The following F13B variants were observed in gnomAD, a reference collection of about 807,000 sequenced individuals.
The protein encoded by F13B is TGase.
A neutral mutation model predicts 79.8 loss-of-function variants in F13B; 58 were observed. The observed-to-expected ratio is 0.73, with a 90% confidence interval of 0.59 to 0.90. The LOEUF (loss-of-function observed/expected upper bound fraction) is 0.90. Among genes scored for constraint, F13B ranks in the 40% least tolerant of loss-of-function variants. The probability of loss-of-function intolerance (pLI) is 0.00; values close to 1 mark genes in which losing one functional copy is unlikely to be tolerated. For synonymous variants in F13B, 283 were observed against 260.3 expected (o/e 1.09, Z -0.84); for missense variants, 773 against 777.0 (o/e 0.99, Z 0.06).
At chr1:197,049,155 T>G (rs1027786064) in intron 10 of F13B, among the ~76,000 whole-genome samples, 1 of 151,850 alleles carries the variant, frequency 6.6e-6, no homozygotes, top group East Asian at 1.9e-4. Context: ...ATTCATGTAT[T>G]AGAAAAAATA....
At chr1:197,042,589 C>A (rs962259370) in intron 10 of F13B, among the ~76,000 whole-genome samples, 1 of 146,606 alleles carries the variant, frequency 6.8e-6, no homozygotes, top group Non-Finnish European at 1.5e-5. Flanking sequence ...GAGGCCAAGG[C>A]GGGCGGATCA....
rs534827216 is a variant in F13B at position 197,066,858 on chromosome 1, C to T, written c.64+302G>A. Among the ~76,000 whole-genome samples the T allele has an allele frequency of 7.1e-4, 108 of 152,122 alleles. 1 individual carries two copies. Among genetic ancestry groups the T allele is most frequent in the Admixed American group, 7.0e-3 (107 of 15,264 alleles). ...TAGAATTAAAGTTAACATGTGACTT[C>T]GAAATGGACATATTGTTAACCTGAA... On this transcript the variant is annotated intron_variant, in intron 1 of 11. Coordinates refer to ENST00000367412, the MANE Select transcript of F13B (RefSeq NM_001994.3).
At chr1:197,050,627 A>T in intron 10 of F13B, 70 bp downstream of exon 10, 1 of 1,371,084 alleles carries the variant, frequency 7.3e-7, no homozygotes, top group Non-Finnish European at 1.0e-6. Context: ...GTGTTATGTT[A>T]ACTCAAAAAT....
intron 5 of F13B, among the ~76,000 whole-genome samples, chr1:197,059,251 T>C (rs990014911): frequency 1.3e-5 from 2 of 152,138 alleles, no homozygotes; most frequent in East Asian, 3.9e-4. Flanking sequence ...TAATAGACTT[T>C]AAAAAAATTT....
intron 8 of F13B, among the ~76,000 whole-genome samples, chr1:197,055,051 T>C (rs980277475): frequency 6.6e-6 from 1 of 152,038 alleles, no homozygotes; most frequent in Non-Finnish European, 1.5e-5. Flanking sequence ...GCCATTAAAG[T>C]ATATATTGTA....
intron 1 of F13B, among the ~76,000 whole-genome samples, chr1:197,066,185 A>G (rs1356982833): frequency 6.6e-6 from 1 of 152,200 alleles, no homozygotes; most frequent in African/African-American, 2.4e-5. Flanking sequence ...AAAGTATAAA[A>G]TAAGATTAAT....
intron 1 of F13B, among the ~76,000 whole-genome samples, chr1:197,065,413 T>TA (rs1656012056): frequency 6.6e-6 from 1 of 152,034 alleles, no homozygotes; most frequent in Non-Finnish European, 1.5e-5. Context: ...CTGAACATAT[T>TA]AAAAAAAGTA....
intron 5 of F13B, among the ~76,000 whole-genome samples, chr1:197,059,090 C>G (rs749971128): frequency 4.6e-5 from 7 of 152,004 alleles, no homozygotes; most frequent in Non-Finnish European, 8.8e-5. Context: ...GTGGCCGACA[C>G]CTGTAGTCCC....
intron 1 of F13B, among the ~76,000 whole-genome samples, 193 bp from the exon 2 acceptor site, chr1:197,063,250 T>C (rs1655933302): frequency 6.6e-6 from 1 of 152,226 alleles, no homozygotes; most frequent in Non-Finnish European, 1.5e-5. Flanking sequence ...CAAATGACTT[T>C]AAACATCCAA....
At chr1:197,048,594 T>A (rs925535055) in intron 10 of F13B, among the ~76,000 whole-genome samples, 1 of 152,092 alleles carries the variant, frequency 6.6e-6, no homozygotes, top group African/African-American at 2.4e-5. Context: ...TGTCTCAATT[T>A]GTGTGTGTAC....
At chr1:197,048,145 T>C (rs1463575246) in intron 10 of F13B, among the ~76,000 whole-genome samples, 1 of 148,992 alleles carries the variant, frequency 6.7e-6, no homozygotes, top group Non-Finnish European at 1.5e-5. Context: ...TATATATATA[T>C]GTGTATATAT....
intron 10 of F13B, among the ~76,000 whole-genome samples, chr1:197,048,000 G>T (rs1235389645): frequency 2.6e-5 from 4 of 152,048 alleles, no homozygotes; most frequent in African/African-American, 7.2e-5. Context: ...GTGGGGGTCT[G>T]GGGGAGGGAT....
At chr1:197,056,102 A>G (rs1655631882) in intron 7 of F13B, among the ~76,000 whole-genome samples, 2 of 152,164 alleles carry the variant, frequency 1.3e-5, no homozygotes, top group South Asian at 4.1e-4. Flanking sequence ...CCTAAAAACA[A>G]CTATACGTAT....
In F13B at chr1:197,061,888, TA is replaced by T. The variant is rs1398689636; in HGVS notation, c.346del (p.Tyr116MetfsTer57). On this transcript the variant is annotated frameshift_variant, in exon 3 of 12. Transcript: ENST00000367412. LOFTEE classifies it high-confidence loss of function. Reference sequence around the variant, plus strand: ...GGTTTTGTACCCTGAAGCGCAACCATAACGCATGTTCTCTTGAATTTTATAC... The same window carrying T: ...GGTTTTGTACCCTGAAGCGCAACCATACGCATGTTCTCTTGAATTTTATAC... ...LLYKIQENMR[Y>X]GCASGYKTTG... The T allele has an allele frequency of 1.2e-6, 2 of 1,613,180 alleles. No individual in the cohort carries two copies. Among genetic ancestry groups the T allele is most frequent in the Admixed American group, 3.3e-5 (2 of 59,866 alleles).
At chr1:197,055,996 G>A (rs1471560085) in intron 7 of F13B, 99 bp from the exon 8 acceptor site, 1 of 1,079,782 alleles carries the variant, frequency 9.3e-7, no homozygotes, top group Non-Finnish European at 1.3e-6. Context: ...TATAATTTAG[G>A]ACAATTGTTT....
chr1:197,055,543 C>T (rs1404379864), intron 8 of F13B, among the ~76,000 whole-genome samples, 172 bp downstream of exon 8: 2 of 151,812 alleles, frequency 1.3e-5, no homozygotes, highest in African/African-American at 2.4e-5. Context: ...GTATATTTTA[C>T]CACAATAGAA....
chr1:197,039,839 C>G (rs573017738), intron 11 of F13B, among the ~76,000 whole-genome samples: 3 of 151,922 alleles, frequency 2.0e-5, no homozygotes, highest in African/African-American at 4.8e-5. Context: ...TCATTGTTTG[C>G]ATTTTTTAAA....
intron 10 of F13B, among the ~76,000 whole-genome samples, chr1:197,048,706 T>C (rs1028257320): frequency 6.6e-6 from 1 of 152,102 alleles, no homozygotes; most frequent in Non-Finnish European, 1.5e-5. Context: ...CTCTCCGTGA[T>C]TGATAGAAAA....
chr1:197,054,476 G>A (rs1488216267), intron 8 of F13B, among the ~76,000 whole-genome samples: 1 of 151,718 alleles, frequency 6.6e-6, no homozygotes, highest in South Asian at 2.1e-4. Flanking sequence ...ACAAAAGGTT[G>A]AAAGAGCTCA....
Sources: allele counts gnomAD v4.1 joint callset (sites outside exome capture counted in the v4.1 genomes callset), GRCh38; gene constraint gnomAD v4.1.1; transcripts MANE v1.5; gene names NCBI Gene and HGNC (gene_info 2026-07-23, HGNC 2026-07-21).